ROR1: variants seen among roughly 807,000 people sequenced by gnomAD.
ROR1 encodes inactive tyrosine-protein kinase transmembrane receptor ROR1.
A neutral mutation model predicts 78.8 loss-of-function variants in ROR1; 19 were observed. The ratio of observed to expected loss-of-function variants is 0.24; its 90% CI spans 0.17 to 0.35. The LOEUF is 0.35. Among genes scored for constraint, ROR1 ranks in the 10% least tolerant of loss-of-function variants. The pLI is 1.00. For missense variants in ROR1, 917 were observed against 1,177.8 expected (o/e 0.78, Z 3.24); for synonymous variants, 386 against 433.6 (o/e 0.89, Z 1.36).
intron 1 of ROR1, among the ~76,000 whole-genome samples, chr1:63,840,419 A>G (rs1350882967): frequency 6.6e-6 from 1 of 151,466 alleles, no homozygotes; most frequent in Admixed American, 6.6e-5. Flanking sequence ...AGCTGGGACT[A>G]CAGGTACACG....
At chr1:64,057,754 T>A (rs1487555524) in intron 4 of ROR1, among the ~76,000 whole-genome samples, 1 of 152,234 alleles carries the variant, frequency 6.6e-6, no homozygotes, top group Non-Finnish European at 1.5e-5. Flanking sequence ...CCAGTTGATA[T>A]GTAAAACTAG....
In ROR1 at chr1:64,178,161, A is replaced by G; in HGVS notation, c.2120A>G (p.Lys707Arg). 1.9e-6 allele frequency: 3 copies of G among 1,614,162 alleles called. No homozygotes were observed. The highest frequency in any genetic ancestry group is 2.5e-6 in the Non-Finnish European group (3 of 1,180,042). ...CAGGAAGTGATTGAGATGGTGAGAA[A>G]ACGGCAGCTCTTACCATGCTCTGAA... ...SNQEVIEMVR[K>R]RQLLPCSEDC... Residue 707 changes from lysine (K) to arginine (R), a missense_variant, in exon 9 of 9, where the codon AAA becomes AGA. Coordinates refer to ENST00000371079, the MANE Select transcript of ROR1 (RefSeq NM_005012.4). The surrounding 1 kb of genome is among the most constrained non-coding windows in gnomAD (Gnocchi z 4.3).
intron 1 of ROR1, among the ~76,000 whole-genome samples, chr1:63,949,862 T>C (rs1645920500): frequency 6.6e-6 from 1 of 152,094 alleles, no homozygotes; most frequent in South Asian, 2.1e-4. Flanking sequence ...AAATGGTTTG[T>C]GTGGGGTGGA....
chr1:63,980,273 G>C (rs902806901), intron 1 of ROR1, among the ~76,000 whole-genome samples: 2 of 152,098 alleles, frequency 1.3e-5, no homozygotes, highest in African/African-American at 4.8e-5. Context: ...CTAGCCCAGG[G>C]TTATGAAGGT....
intron 1 of ROR1, among the ~76,000 whole-genome samples, chr1:63,962,474 T>A (rs1189507745): frequency 1.3e-5 from 2 of 152,164 alleles, no homozygotes; most frequent in Admixed American, 6.5e-5. Flanking sequence ...GTTAAGTACC[T>A]GGAGATGTAA....
At chr1:63,888,953 G>T (rs1277367381) in intron 1 of ROR1, among the ~76,000 whole-genome samples, 1 of 152,042 alleles carries the variant, frequency 6.6e-6, no homozygotes, top group Non-Finnish European at 1.5e-5. Context: ...GTTTCTAAGG[G>T]TCAAGAATCC....
chr1:64,126,369 A>C (rs2100693667), intron 4 of ROR1, among the ~76,000 whole-genome samples: 1 of 152,274 alleles, frequency 6.6e-6, no homozygotes, highest in African/African-American at 2.4e-5. Flanking sequence ...GAGTCACTGA[A>C]CATTTGTGAG....
At chr1:64,115,200 A>G (rs1435227445) in intron 4 of ROR1, among the ~76,000 whole-genome samples, 1 of 151,824 alleles carries the variant, frequency 6.6e-6, no homozygotes, top group Non-Finnish European at 1.5e-5. Context: ...ACCATTTACT[A>G]ACTAGGTGAC....
intron 8 of ROR1, among the ~76,000 whole-genome samples, chr1:64,162,480 G>C (rs1033909927): frequency 3.9e-5 from 6 of 152,206 alleles, no homozygotes; most frequent in Non-Finnish European, 5.9e-5. Context: ...TGATCTGTGG[G>C]CAAAGGAAGC....
At chr1:63,999,415 A>G (rs1646365440) in intron 1 of ROR1, among the ~76,000 whole-genome samples, 1 of 152,238 alleles carries the variant, frequency 6.6e-6, no homozygotes, top group South Asian at 2.1e-4. Context: ...CTATCTAAAT[A>G]TCTGGTTTGC....
intron 2 of ROR1, among the ~76,000 whole-genome samples, chr1:64,042,797 G>A (rs113737649): frequency 5.9e-5 from 9 of 152,260 alleles, no homozygotes; most frequent in African/African-American, 9.6e-5. Flanking sequence ...AATATTTCCC[G>A]AGATAGTGAG....
At chr1:64,032,955 G>C (rs954751454) in intron 2 of ROR1, among the ~76,000 whole-genome samples, 1 of 152,184 alleles carries the variant, frequency 6.6e-6, no homozygotes, top group Non-Finnish European at 1.5e-5. Context: ...GGTTGCCAGG[G>C]ATTGGGAGGA....
At chr1:63,916,205 A>G (rs1008344851) in intron 1 of ROR1, among the ~76,000 whole-genome samples, 3 of 152,210 alleles carry the variant, frequency 2.0e-5, no homozygotes, top group East Asian at 1.9e-4. Flanking sequence ...TCCTCTTCGC[A>G]TGAACAATAA....
intron 4 of ROR1, among the ~76,000 whole-genome samples, chr1:64,128,175 C>T (rs866056463): frequency 6.6e-6 from 1 of 150,992 alleles, no homozygotes; most frequent in South Asian, 2.1e-4. Flanking sequence ...CATGGGGAGG[C>T]CAGGTATGGT....
chr1:64,049,078 T>C (rs1399593204), intron 2 of ROR1, among the ~76,000 whole-genome samples: 4 of 152,218 alleles, frequency 2.6e-5, no homozygotes, highest in Admixed American at 6.5e-5. Flanking sequence ...AATTACATAT[T>C]GTAACATGTT....
At chr1:64,085,939 T>G (rs1169346695) in intron 4 of ROR1, among the ~76,000 whole-genome samples, 1 of 152,194 alleles carries the variant, frequency 6.6e-6, no homozygotes, top group Non-Finnish European at 1.5e-5. Context: ...CAACGGGGCA[T>G]GTGCCGTTGG....
chr1:63,874,935 C>T (rs1645275478), intron 1 of ROR1, among the ~76,000 whole-genome samples: 1 of 152,076 alleles, frequency 6.6e-6, no homozygotes, highest in South Asian at 2.1e-4. Flanking sequence ...ATCTGATAAG[C>T]ATAGAGTATG....
chr1:64,016,410 G>T (rs1222395302), intron 2 of ROR1, among the ~76,000 whole-genome samples: 1 of 152,016 alleles, frequency 6.6e-6, no homozygotes, highest in East Asian at 1.9e-4. Context: ...TTCATATATT[G>T]AATTAGTAAA....
At chr1:63,929,669 T>C (rs1485351198) in intron 1 of ROR1, among the ~76,000 whole-genome samples, 1 of 152,220 alleles carries the variant, frequency 6.6e-6, no homozygotes, top group African/African-American at 2.4e-5. Flanking sequence ...TAATAATAGC[T>C]AACACTGAGT....
Sources: allele counts gnomAD v4.1 joint callset (sites outside exome capture counted in the v4.1 genomes callset), GRCh38; gene constraint gnomAD v4.1.1; non-coding constraint Gnocchi (gnomAD v3.1); transcripts MANE v1.5; gene names NCBI Gene and HGNC (gene_info 2026-07-23, HGNC 2026-07-21).